The following NRXN1 variants were observed in gnomAD, a reference collection of about 807,000 sequenced individuals.
NRXN1 encodes the protein neurexin-1.
A neutral mutation model predicts 150.9 loss-of-function variants in NRXN1; 39 were observed. The observed-to-expected ratio is 0.26, with a 90% CI of 0.20 to 0.34. The LOEUF (loss-of-function observed/expected upper bound fraction) is 0.34. NRXN1 is among the 10% of genes least tolerant of loss of function. NRXN1 has a pLI of 1.00. For synonymous variants in NRXN1, 924 were observed against 757.0 expected (o/e 1.22, Z -3.62); for missense variants, 1,815 against 1,949.9 (o/e 0.93, Z 1.30).
At chr2:50,257,930 T>A (rs2067871907) in intron 17 of NRXN1, among the ~76,000 whole-genome samples, 2 of 152,030 alleles carry the variant, frequency 1.3e-5, no homozygotes, top group Non-Finnish European at 1.5e-5. Flanking sequence ...TAAAGGTTGT[T>A]TATACTATAA....
intron 21 of NRXN1, among the ~76,000 whole-genome samples, chr2:50,001,122 G>A (rs913594385): frequency 3.9e-5 from 6 of 152,088 alleles, no homozygotes; most frequent in Non-Finnish European, 5.9e-5. Flanking sequence ...AGCATCAAAG[G>A]GACCTGGGTT....
chr2:51,009,031 C>A (rs1369666308), intron 2 of NRXN1, among the ~76,000 whole-genome samples: 1 of 151,894 alleles, frequency 6.6e-6, no homozygotes, highest in Non-Finnish European at 1.5e-5. Flanking sequence ...ATGTACTATT[C>A]TACTAAATAT....
chr2:50,770,132 T>C (rs563401606), intron 5 of NRXN1, among the ~76,000 whole-genome samples: 1 of 152,094 alleles, frequency 6.6e-6, no homozygotes, highest in Non-Finnish European at 1.5e-5. Context: ...ACAAGATTTG[T>C]CAGGGAAATA....
intron 17 of NRXN1, among the ~76,000 whole-genome samples, chr2:50,432,647 T>A (rs1305929283): frequency 6.6e-6 from 1 of 152,140 alleles, no homozygotes. Flanking sequence ...ACAGGAGAGT[T>A]TTTATCCTTC....
chr2:50,082,129 T>C (rs1372048274), intron 19 of NRXN1, among the ~76,000 whole-genome samples: 2 of 152,196 alleles, frequency 1.3e-5, no homozygotes, highest in East Asian at 1.9e-4. Flanking sequence ...AAAGCTAGAT[T>C]TCTGCATTGT....
At chr2:50,089,015 T>G (rs1699188671) in intron 19 of NRXN1, among the ~76,000 whole-genome samples, 2 of 152,178 alleles carry the variant, frequency 1.3e-5, no homozygotes, top group Non-Finnish European at 2.9e-5. Context: ...TATGCTTGGG[T>G]AAAGCATCCT....
chr2:50,092,991 A>T (rs1699781409), intron 18 of NRXN1, among the ~76,000 whole-genome samples: 1 of 151,492 alleles, frequency 6.6e-6, no homozygotes, highest in Non-Finnish European at 1.5e-5. Context: ...GATTCTTTAA[A>T]ATTTTTCTGT....
At chr2:50,605,671 G>T (rs1341048908) in intron 8 of NRXN1, among the ~76,000 whole-genome samples, 2 of 152,116 alleles carry the variant, frequency 1.3e-5, no homozygotes, top group African/African-American at 4.8e-5. Flanking sequence ...GGATAAACTG[G>T]AAGCTGTGTA....
intron 17 of NRXN1, among the ~76,000 whole-genome samples, chr2:50,427,621 A>T (rs1270745268): frequency 6.6e-6 from 1 of 152,222 alleles, no homozygotes; most frequent in Non-Finnish European, 1.5e-5. Context: ...TAATGCAGCA[A>T]AAATCAACTG....
chr2:50,922,552 C>A, intron 4 of NRXN1, 106 bp downstream of exon 4: 3 of 963,504 alleles, frequency 3.1e-6, no homozygotes, highest in Non-Finnish European at 4.9e-6. Context: ...TAATTTGCAG[C>A]CATATAATTT....
chr2:50,858,888 G>A (rs1185322681), intron 5 of NRXN1, among the ~76,000 whole-genome samples: 1 of 152,020 alleles, frequency 6.6e-6, no homozygotes, highest in African/African-American at 2.4e-5. Flanking sequence ...CATCAGTAGA[G>A]ATTCAATTTT....
At chr2:50,706,579 C>A (rs1431480428) in intron 5 of NRXN1, among the ~76,000 whole-genome samples, 1 of 152,058 alleles carries the variant, frequency 6.6e-6, no homozygotes, top group Non-Finnish European at 1.5e-5. Context: ...ATCTTCACAG[C>A]CAATAAAGTA....
chr2:50,788,136 G>C (rs1229804256), intron 5 of NRXN1, among the ~76,000 whole-genome samples: 2 of 151,472 alleles, frequency 1.3e-5, no homozygotes, highest in African/African-American at 4.8e-5. Context: ...GCCCAGGCTG[G>C]AGTGTAGTGG....
intron 5 of NRXN1, among the ~76,000 whole-genome samples, chr2:50,669,883 A>C (rs1389361411): frequency 6.6e-6 from 1 of 150,378 alleles, no homozygotes; most frequent in South Asian, 2.1e-4. Flanking sequence ...AACAAAAAAA[A>C]CGGAATTAAT....
intron 2 of NRXN1, among the ~76,000 whole-genome samples, chr2:50,928,223 A>G (rs1204560768): frequency 6.6e-6 from 1 of 152,048 alleles, no homozygotes; most frequent in Non-Finnish European, 1.5e-5. Context: ...TAGAAAAAAA[A>G]AATCAAAGTA....
intron 2 of NRXN1, among the ~76,000 whole-genome samples, chr2:50,965,706 C>G (rs1693957456): frequency 6.6e-6 from 1 of 151,166 alleles, no homozygotes; most frequent in Non-Finnish European, 1.5e-5. Flanking sequence ...TTAATGCTGA[C>G]AAGAAATTAG....
At chr2:50,885,386 C>CAA (rs77951147) in intron 5 of NRXN1, among the ~76,000 whole-genome samples, 7 of 143,184 alleles carry the variant, frequency 4.9e-5, no homozygotes, top group African/African-American at 1.5e-4. Context: ...CATAAACTAC[C>CAA]AAAAAAAAAA....
At chr2:50,676,110 C>A (rs546099107) in intron 5 of NRXN1, among the ~76,000 whole-genome samples, 1 of 151,996 alleles carries the variant, frequency 6.6e-6, no homozygotes, top group Admixed American at 6.6e-5. Context: ...CCTCCCAGAG[C>A]TAATGATTTT....
intron 5 of NRXN1, chr2:50,917,412 T>A (rs1285002778): frequency 2.0e-5 from 3 of 151,770 alleles, no homozygotes; most frequent in African/African-American, 7.2e-5. Flanking sequence ...CTGGAAGTTG[T>A]GCACTTCACA....
Sources: allele counts gnomAD v4.1 joint callset (sites outside exome capture counted in the v4.1 genomes callset), GRCh38; gene constraint gnomAD v4.1.1; transcripts MANE v1.5; gene names NCBI Gene and HGNC (gene_info 2026-07-23, HGNC 2026-07-21).